The following VOPP1 variants were observed in gnomAD, a reference collection of about 807,000 sequenced individuals.
VOPP1 encodes WW domain binding protein VOPP1.
VOPP1 carries 8 observed loss-of-function variants against 23.5 expected under a neutral mutation model. The ratio of observed to expected loss-of-function variants is 0.34; its 90% CI spans 0.20 to 0.61. VOPP1 has a LOEUF of 0.61. Ranked by LOEUF, VOPP1 falls within the 20% of genes least tolerant of loss-of-function variation. VOPP1 has a pLI of 0.78. For missense variants in VOPP1, 174 were observed against 238.1 expected, an observed-to-expected ratio of 0.73 and a Z score of 1.77; for synonymous variants, 83 against 97.3, an observed-to-expected ratio of 0.85 and a Z score of 0.86.
At chr7:55,462,535 GTTC>G (rs1042228613) in intron 4 of VOPP1, among the ~76,000 whole-genome samples, 9 of 151,430 alleles carry the variant, frequency 5.9e-5, no homozygotes, top group South Asian at 4.2e-4. Flanking sequence ...TTTGTTCTTT[GTTC>G]TTCTTTTCTT....
At chr7:55,506,589 G>A (rs1794742575) in intron 2 of VOPP1, among the ~76,000 whole-genome samples, 1 of 151,438 alleles carries the variant, frequency 6.6e-6, no homozygotes, top group South Asian at 2.1e-4. Flanking sequence ...CGCCTGTCTT[G>A]GCCTCCTAAA....
chr7:55,555,977 T>C (rs1797787279), intron 1 of VOPP1, among the ~76,000 whole-genome samples: 1 of 152,228 alleles, frequency 6.6e-6, no homozygotes, highest in African/African-American at 2.4e-5. Context: ...TCTAAGATGT[T>C]TCCCCGTAGA....
chr7:55,551,408 A>T (rs1797600777), intron 1 of VOPP1, among the ~76,000 whole-genome samples: 1 of 152,134 alleles, frequency 6.6e-6, no homozygotes, highest in South Asian at 2.1e-4. Flanking sequence ...AACAGCACAA[A>T]ATGCTTTCCC....
At chr7:55,558,939 G>A (rs1797896251) in intron 1 of VOPP1, among the ~76,000 whole-genome samples, 1 of 152,192 alleles carries the variant, frequency 6.6e-6, no homozygotes, top group African/African-American at 2.4e-5. Flanking sequence ...CAAGGTTAGC[G>A]ACAAGATAGC....
intron 1 of VOPP1, among the ~76,000 whole-genome samples, chr7:55,532,516 T>C (rs963615027): frequency 2.0e-5 from 3 of 152,262 alleles, no homozygotes; most frequent in Non-Finnish European, 2.9e-5. Flanking sequence ...GTTAACATTC[T>C]CTACAACGTA....
At chr7:55,563,557 A>G in intron 1 of VOPP1, among the ~76,000 whole-genome samples, 1 of 152,220 alleles carries the variant, frequency 6.6e-6, no homozygotes, top group Admixed American at 6.5e-5. Context: ...GGATTTTGGA[A>G]CATTTGCATA....
intron 4 of VOPP1, among the ~76,000 whole-genome samples, chr7:55,443,414 C>T (rs950449636): frequency 3.3e-5 from 5 of 151,482 alleles, no homozygotes; most frequent in East Asian, 2.0e-4. Flanking sequence ...ATAAGCCAGG[C>T]GTGGTGGCGG....
At chr7:55,484,750 T>C (rs986626149) in intron 4 of VOPP1, among the ~76,000 whole-genome samples, 1 of 152,222 alleles carries the variant, frequency 6.6e-6, no homozygotes, top group Non-Finnish European at 1.5e-5. Context: ...ACGTTTAGAA[T>C]ACTGTGAACA....
At chr7:55,437,168 G>A (rs79260832) in intron 4 of VOPP1, among the ~76,000 whole-genome samples, 1,546 of 152,176 alleles carry the variant, frequency 0.01, 24 homozygotes, top group African/African-American at 0.034. Flanking sequence ...TGGAAACTAG[G>A]TGTGATCCCC....
chr7:55,537,867 A>T (rs1796894881), intron 1 of VOPP1, among the ~76,000 whole-genome samples: 1 of 152,190 alleles, frequency 6.6e-6, no homozygotes, highest in Non-Finnish European at 1.5e-5. Context: ...ACAAAAGTTC[A>T]TTCTCCCCCA....
intron 4 of VOPP1, among the ~76,000 whole-genome samples, chr7:55,474,737 C>T (rs1294721049): frequency 6.6e-6 from 1 of 152,214 alleles, no homozygotes; most frequent in East Asian, 1.9e-4. Context: ...GAGCTGGAGC[C>T]TCCTGTGGGA....
chr7:55,526,026 C>A (rs1377289759), intron 1 of VOPP1, among the ~76,000 whole-genome samples: 1 of 152,194 alleles, frequency 6.6e-6, no homozygotes, highest in Non-Finnish European at 1.5e-5. Flanking sequence ...AGGATGTTGT[C>A]CTGGGCTCTG....
At chr7:55,474,019 A>C (rs1792044465) in intron 4 of VOPP1, among the ~76,000 whole-genome samples, 1 of 152,258 alleles carries the variant, frequency 6.6e-6, no homozygotes, top group African/African-American at 2.4e-5. Context: ...CATAAGTCAG[A>C]CCATGGGAAT....
chr7:55,571,389 ATTCATTACCTATTTCT>A (rs1798348497), intron 1 of VOPP1, among the ~76,000 whole-genome samples: 1 of 152,210 alleles, frequency 6.6e-6, no homozygotes, highest in African/African-American at 2.4e-5. Flanking sequence ...GAGGCATGGG[ATTCATTACCTATTTCT>A]TTTGACTTCA....
At chr7:55,566,603 CAGGA>C (rs1042576889) in intron 1 of VOPP1, among the ~76,000 whole-genome samples, 1 of 152,110 alleles carries the variant, frequency 6.6e-6, no homozygotes, top group Non-Finnish European at 1.5e-5. Flanking sequence ...AATGAGTACT[CAGGA>C]TGAAATTAAC....
At chr7:55,489,061 G>A (rs1458279519) in intron 4 of VOPP1, among the ~76,000 whole-genome samples, 3 of 152,238 alleles carry the variant, frequency 2.0e-5, no homozygotes, top group African/African-American at 4.8e-5. Context: ...GGGGAGGCAG[G>A]TGTCCAGACC....
intron 1 of VOPP1, among the ~76,000 whole-genome samples, chr7:55,534,922 C>T (rs911877698): frequency 6.6e-6 from 1 of 152,236 alleles, no homozygotes. Context: ...CCAGGACATT[C>T]CTGCCACACC....
chr7:55,440,329 C>A (rs1790932291), intron 4 of VOPP1, among the ~76,000 whole-genome samples: 1 of 152,232 alleles, frequency 6.6e-6, no homozygotes, highest in African/African-American at 2.4e-5. Flanking sequence ...CTGGGGTTGG[C>A]AGCTCCTGCT....
At chr7:55,532,439 T>G (rs1796548812) in intron 1 of VOPP1, among the ~76,000 whole-genome samples, 1 of 152,250 alleles carries the variant, frequency 6.6e-6, no homozygotes. Context: ...GCTAAGTCGT[T>G]ACATTGTGTG....
Sources: gnomAD v4.1 joint callset for allele counts (sites outside exome capture counted in the v4.1 genomes callset) on GRCh38, gnomAD v4.1.1 for gene constraint, MANE v1.5 for transcripts, NCBI Gene and HGNC (gene_info 2026-07-23, HGNC 2026-07-21) for gene names.